STK40: variants seen among roughly 807,000 people sequenced by gnomAD.
STK40 encodes serine/threonine kinase 40.
In STK40, 13 loss-of-function variants were observed where a neutral mutation model predicts 47.9. That is an observed-to-expected ratio of 0.27 (90% CI 0.18 to 0.43). The LOEUF (loss-of-function observed/expected upper bound fraction) is 0.43, where lower values mean the gene tolerates loss of function less well. STK40 is among the 20% of genes least tolerant of loss of function. The pLI is 1.00. For synonymous variants in STK40, 225 were observed against 243.2 expected (o/e 0.93, Z 0.69); for missense variants, 460 against 595.1 (o/e 0.77, Z 2.36).
chr1:36,381,810 C>T (rs1647041871), intron 1 of STK40, among the ~76,000 whole-genome samples: 1 of 152,084 alleles, frequency 6.6e-6, no homozygotes, highest in Admixed American at 6.6e-5. Flanking sequence ...TCTAAGGGCT[C>T]TCTGAAGTTC....
intron 10 of STK40, chr1:36,343,113 G>C: frequency 7.8e-6 from 5 of 640,512 alleles, no homozygotes; most frequent in Non-Finnish European, 1.4e-5. Context: ...GGGCCACTTG[G>C]GCACTGGCTC....
At chr1:36,363,814 CAAA>C (rs1319661356) in intron 1 of STK40, among the ~76,000 whole-genome samples, 6 of 55,156 alleles carry the variant, frequency 1.1e-4, no homozygotes, top group Non-Finnish European at 1.1e-4. Context: ...GACTCTGTCT[CAAA>C]AAAAAAAAAA....
chr1:36,349,686 C>T (rs557062289), intron 6 of STK40, among the ~76,000 whole-genome samples: 7 of 151,306 alleles, frequency 4.6e-5, no homozygotes, highest in African/African-American at 1.7e-4. Context: ...CAGCTTTGGG[C>T]TCTGATCCTT....
In STK40 at chr1:36,355,398, G is replaced by C. The variant is rs771364389; in HGVS notation, c.378C>G (p.Ser126=). ...RTCEIVEDTE[S]SRMVKKMKKR... ...TCTTCATCTTCTTAACCATCCGGCT[G>C]GATTCTGTGTCCTCAACGATTTCAC... is the stretch of plus-strand genomic sequence containing the variant. The change falls in exon 5 of 11, where the codon TCC becomes TCG. Residue 126 remains serine (S), a synonymous_variant. Transcript: ENST00000373132. 2.5e-5 allele frequency: 41 copies of C among 1,614,068 alleles called. No homozygotes were observed. Among genetic ancestry groups the C allele is most frequent in the Non-Finnish European group, 3.4e-5 (40 of 1,180,042 alleles).
intron 6 of STK40, among the ~76,000 whole-genome samples, chr1:36,352,613 G>T (rs1458651107): frequency 6.6e-6 from 1 of 152,174 alleles, no homozygotes; most frequent in Non-Finnish European, 1.5e-5. Flanking sequence ...AGCAGCTCTG[G>T]AATTTCCTGT....
intron 1 of STK40, among the ~76,000 whole-genome samples, chr1:36,370,839 T>C (rs1232299774): frequency 6.6e-6 from 1 of 151,982 alleles, no homozygotes; most frequent in Non-Finnish European, 1.5e-5. Context: ...TAAGATAATG[T>C]AGTATTTGCA....
At chr1:36,369,315 A>C (rs2124745849) in intron 1 of STK40, among the ~76,000 whole-genome samples, 1 of 152,106 alleles carries the variant, frequency 6.6e-6, no homozygotes, top group African/African-American at 2.4e-5. Context: ...CCATGGGAAG[A>C]GCTCACCTCA....
chr1:36,372,997 G>A lies in STK40; in HGVS notation c.-8-11657C>T, dbSNP rs938783440. Reference sequence around the variant, plus strand: ...GGAATTCACAGCTCAGAGAACCAAGGGTTTCAAGCCATGGACAAGTTACGC... The same window carrying A: ...GGAATTCACAGCTCAGAGAACCAAGAGTTTCAAGCCATGGACAAGTTACGC... On this transcript the variant is annotated intron_variant, in intron 1 of 10. Coordinates refer to ENST00000373132, the MANE Select transcript of STK40 (RefSeq NM_001282547.2). Among the ~76,000 whole-genome samples, 3 of 152,124 alleles carry A rather than the reference G, an allele frequency of 2.0e-5. No homozygotes were observed. The South Asian group carries it at 6.2e-4, about 32-fold the overall frequency.
intron 7 of STK40, among the ~76,000 whole-genome samples, chr1:36,345,991 A>ATATTTTTTTTTTTTTTTTTT: frequency 1.1e-4 from 3 of 26,466 alleles, no homozygotes; most frequent in African/African-American, 2.8e-4. Flanking sequence ...ATATATATAT[A>ATATTTTTTTTTTTTTTTTTT]TTTTTTTTTT....
At chr1:36,358,894 C>T (rs1646828913) in intron 2 of STK40, 72 bp from the exon 3 acceptor site, 4 of 1,556,096 alleles carry the variant, frequency 2.6e-6, no homozygotes, top group Non-Finnish European at 3.5e-6. Flanking sequence ...ACCACGTGGT[C>T]TTTTACTAGA....
chr1:36,372,038 C>G (rs1264915535), intron 1 of STK40, among the ~76,000 whole-genome samples: 1 of 152,086 alleles, frequency 6.6e-6, no homozygotes, highest in Non-Finnish European at 1.5e-5. Context: ...CATGTTTAGT[C>G]CAGACACAAG....
intron 7 of STK40, among the ~76,000 whole-genome samples, chr1:36,347,813 C>T (rs1280015118): frequency 6.6e-6 from 1 of 152,064 alleles, no homozygotes; most frequent in Non-Finnish European, 1.5e-5. Flanking sequence ...CCACCACGCC[C>T]GGCTAATTTC....
intron 1 of STK40, among the ~76,000 whole-genome samples, chr1:36,369,817 C>T (rs373969059): frequency 1.3e-3 from 202 of 152,330 alleles, no homozygotes; most frequent in Non-Finnish European, 2.2e-3. Context: ...CACTGCCTGG[C>T]GCAAAGCTGG....
chr1:36,352,024 A>G (rs1172874012), intron 6 of STK40, among the ~76,000 whole-genome samples: 1 of 152,170 alleles, frequency 6.6e-6, no homozygotes, highest in Non-Finnish European at 1.5e-5. Context: ...GGACTGGCCC[A>G]AGGCCCCAGA....
intron 1 of STK40, among the ~76,000 whole-genome samples, chr1:36,375,025 A>G (rs1158066167): frequency 6.6e-6 from 1 of 152,206 alleles, no homozygotes; most frequent in Admixed American, 6.5e-5. Flanking sequence ...GAAAGCAGCA[A>G]GCAACCGCAG....
At chr1:36,360,509 CATTTTATTTTATTTT>C (rs72384228) in intron 2 of STK40, among the ~76,000 whole-genome samples, 78 of 148,974 alleles carry the variant, frequency 5.2e-4, no homozygotes, top group Non-Finnish European at 7.1e-4. Flanking sequence ...CTTGGGTTTT[CATTTTATTTTATTTT>C]ATTTTATTTT....
At chr1:36,367,890 G>A (rs1409883248) in intron 1 of STK40, 18 of 985,300 alleles carry the variant, frequency 1.8e-5, no homozygotes, top group South Asian at 1.4e-4. Flanking sequence ...TGAAGAGTCC[G>A]CCAGCCTCCC....
intron 6 of STK40, among the ~76,000 whole-genome samples, chr1:36,349,960 C>T (rs1262491089): frequency 1.3e-5 from 2 of 152,158 alleles, no homozygotes; most frequent in African/African-American, 4.8e-5. Context: ...GGCTGCCTCT[C>T]CCTACAATCA....
At chr1:36,344,359 T>TCACTTCCAGTCCCC in intron 7 of STK40, 95 bp from the exon 8 acceptor site, 1 of 1,460,158 alleles carries the variant, frequency 6.8e-7, no homozygotes, top group Non-Finnish European at 9.1e-7. Context: ...CCTGCCACCC[T>TCACTTCCAGTCCCC]CACTTCCAGT....
Sources: allele counts gnomAD v4.1 joint callset (sites outside exome capture counted in the v4.1 genomes callset), GRCh38; gene constraint gnomAD v4.1.1; transcripts MANE v1.5; gene names NCBI Gene and HGNC (gene_info 2026-07-23, HGNC 2026-07-21).